The following ADGRF5 variants were observed in gnomAD, a reference collection of about 807,000 sequenced individuals.
ADGRF5 encodes the protein G-protein coupled receptor 116.
A neutral mutation model predicts 132.3 loss-of-function variants in ADGRF5; 75 were observed. The ratio of observed to expected loss-of-function variants is 0.57; its 90% CI spans 0.47 to 0.69. The LOEUF is 0.69. ADGRF5 is among the 30% of genes least tolerant of loss of function. The probability of loss-of-function intolerance (pLI) is 0.00; values close to 1 mark genes in which losing one functional copy is unlikely to be tolerated. For synonymous variants in ADGRF5, 629 were observed against 597.6 expected (o/e 1.05, Z -0.77); for missense variants, 1,516 against 1,630.6 (o/e 0.93, Z 1.21).
intron 11 of ADGRF5, among the ~76,000 whole-genome samples, chr6:46,871,449 T>C (rs1005517493): frequency 3.9e-5 from 6 of 152,050 alleles, no homozygotes; most frequent in Admixed American, 3.9e-4. Flanking sequence ...GCCAGGCTGT[T>C]GGAATTCAAG....
chr6:46,925,580 A>T (rs1244274989), upstream of ADGRF5, among the ~76,000 whole-genome samples: 2 of 152,196 alleles, frequency 1.3e-5, no homozygotes, highest in African/African-American at 4.8e-5. Context: ...ACATGGCGAA[A>T]CCCTGTCTCT....
chr6:46,938,355 C>T (rs1264947732), intron 1 of ADGRF5, among the ~76,000 whole-genome samples: 2 of 152,172 alleles, frequency 1.3e-5, no homozygotes, highest in Non-Finnish European at 2.9e-5. Flanking sequence ...CCTTGATAAA[C>T]ACCTTTGACT....
At chr6:46,904,556 T>A (rs1775120363) in intron 2 of ADGRF5, among the ~76,000 whole-genome samples, 2 of 151,984 alleles carry the variant, frequency 1.3e-5, no homozygotes, top group South Asian at 4.1e-4. Context: ...GAGAAGGAAA[T>A]GAGGAGTTAT....
At chr6:46,921,663 C>G (rs968430233) in intron 1 of ADGRF5, 50 bp downstream of exon 1, 1 of 152,220 alleles carries the variant, frequency 6.6e-6, no homozygotes, top group African/African-American at 2.4e-5. Context: ...TGAGGTCTTG[C>G]TACAAAGGGA....
chr6:46,853,878 A>G lies in ADGRF5; in HGVS notation c.*114T>C, dbSNP rs773076799. The stretch of plus-strand genomic sequence containing the variant: ...TTCTCTATGAAAAAGTCTTTTTGGC[A>G]TCTGCTCCCGGAAACCTGCCCCGAG... On this transcript the variant is annotated 3_prime_UTR_variant, in exon 21 of 21. Coordinates refer to ENST00000283296, the MANE Select transcript of ADGRF5 (RefSeq NM_001098518.2). 3.6e-5 allele frequency: 25 copies of G among 690,138 alleles called. No homozygotes were observed. Among genetic ancestry groups the G allele is most frequent in the Non-Finnish European group, 6.1e-5 (24 of 394,402 alleles). The allele number at this position is 690,138 out of a possible 1,614,324, so 42.8% of individuals were successfully genotyped here. A position where few individuals can be genotyped will look rare whatever the true frequency, so the allele number is the denominator to read the frequency against.
chr6:46,865,970 T>C (rs1006120445), intron 13 of ADGRF5, among the ~76,000 whole-genome samples: 17 of 147,734 alleles, frequency 1.2e-4, no homozygotes, highest in Non-Finnish European at 2.5e-4. Context: ...ATGAATGAGC[T>C]TGTAAATCCC....
At position 46,867,023 on chromosome 6, in the gene ADGRF5, G is replaced by A; in HGVS notation, c.1736C>T (p.Thr579Ile). The change falls in exon 13 of 21, where the codon ACT (threonine) becomes ATT (isoleucine). Residue 579 changes from threonine to isoleucine, a missense_variant. By Grantham distance (89) the Thr-to-Ile change is moderately conservative. Around this residue, in one of 2 missense-constraint regions of ADGRF5, gnomAD observed 945 missense variants for 929.4 expected, o/e 1.02. Transcript: ENST00000283296. The part of the protein sequence containing the change: ...LNIMVDPLEA[T>I]VSCSGSHHIK... ...GTGATGGGAACCACTGCATGAAACA[G>A]TAGCTTCCAAAGGATCAACCATGAT... 6.2e-7 allele frequency: 1 copy of A among 1,613,754 alleles called. No homozygotes were observed.
intron 16 of ADGRF5, among the ~76,000 whole-genome samples, chr6:46,859,817 C>CTATTTTATTTTATTT (rs55664341): frequency 0.039 from 5,743 of 146,104 alleles, 191 homozygotes; most frequent in Admixed American, 0.082. Context: ...GGGATATTTA[C>CTATTTTATTTTATTT]TATTTTATTT....
At chr6:46,892,270 T>C (rs915384069) in intron 3 of ADGRF5, among the ~76,000 whole-genome samples, 1 of 151,874 alleles carries the variant, frequency 6.6e-6, no homozygotes, top group Non-Finnish European at 1.5e-5. Flanking sequence ...TGGGACCACT[T>C]TGTAAACTTT....
intron 1 of ADGRF5, among the ~76,000 whole-genome samples, chr6:46,914,812 C>T (rs182646150): frequency 6.6e-6 from 1 of 151,694 alleles, no homozygotes; most frequent in Non-Finnish European, 1.5e-5. Context: ...GGAGGGAAGC[C>T]CTGTGGAATG....
intron 3 of ADGRF5, among the ~76,000 whole-genome samples, chr6:46,891,293 G>C (rs1349673295): frequency 2.0e-5 from 3 of 152,222 alleles, no homozygotes; most frequent in African/African-American, 7.2e-5. Context: ...CTTCCTGGAA[G>C]AATGGTTAAT....
chr6:46,869,986 T>A (rs1485953689), intron 11 of ADGRF5, among the ~76,000 whole-genome samples: 2 of 151,994 alleles, frequency 1.3e-5, no homozygotes, highest in Non-Finnish European at 1.5e-5. Context: ...AAAGCTTATA[T>A]GAGCTTCCCA....
intron 1 of ADGRF5, among the ~76,000 whole-genome samples, chr6:46,954,127 C>T (rs1222436520): frequency 6.6e-6 from 1 of 152,004 alleles, no homozygotes; most frequent in East Asian, 1.9e-4. Flanking sequence ...CGAGACATCC[C>T]TGGATATTCG....
rs375753155 is a variant in ADGRF5, at chr6:46,860,818, G to A, written c.2276C>T (p.Ala759Val). 18 of 1,613,172 alleles carry A rather than the reference G, an allele frequency of 1.1e-5. No homozygotes were observed. Among genetic ancestry groups the A allele is most frequent in the East Asian group, 8.9e-5 (4 of 44,886 alleles). The change falls in exon 16 of 21, where the codon GCG becomes GTG. Residue 759 changes from alanine to valine, a missense_variant. Transcript: ENST00000283296. ...LKDLSISIDKAEHEISSSPGS... is the reference protein window; with the variant it reads ...LKDLSISIDKVEHEISSSPGS... ...AGGAGAAGAGCTGATTTCATGTTCC[G>A]CTTTGTCTATGCTAATAGAAAGATC... is the stretch of plus-strand genomic sequence containing the variant.
At chr6:46,864,739 T>C (rs1770205834) in intron 14 of ADGRF5, among the ~76,000 whole-genome samples, 1 of 152,144 alleles carries the variant, frequency 6.6e-6, no homozygotes, top group African/African-American at 2.4e-5. Flanking sequence ...TTAGCCAGGA[T>C]GGTCTTGATC....
At chr6:46,904,231 TA>T (rs1775077004) in intron 2 of ADGRF5, among the ~76,000 whole-genome samples, 3 of 152,334 alleles carry the variant, frequency 2.0e-5, no homozygotes, top group African/African-American at 7.2e-5. Context: ...AAAAGCCCTT[TA>T]CCCCACATGT....
At chr6:46,953,891 T>C (rs974648798) in intron 1 of ADGRF5, among the ~76,000 whole-genome samples, 23 of 152,042 alleles carry the variant, frequency 1.5e-4, no homozygotes, top group African/African-American at 4.8e-4. Flanking sequence ...ATGAAGTCTG[T>C]ATAAATTATT....
intron 1 of ADGRF5, among the ~76,000 whole-genome samples, chr6:46,949,602 T>G (rs997035127): frequency 3.3e-5 from 5 of 152,210 alleles, no homozygotes; most frequent in African/African-American, 9.7e-5. Context: ...CCTTGCAACT[T>G]AGAAGATGGT....
At chr6:46,933,780 C>A (rs1337774816) in intron 1 of ADGRF5, among the ~76,000 whole-genome samples, 2 of 152,192 alleles carry the variant, frequency 1.3e-5, no homozygotes, top group African/African-American at 4.8e-5. Flanking sequence ...AAGTTCAAGA[C>A]CTTTCATAAC....
Sources: gnomAD v4.1 joint callset for allele counts (sites outside exome capture counted in the v4.1 genomes callset) on GRCh38, gnomAD v4.1.1 for gene constraint, gnomAD v4.1.1 regional missense constraint, MANE v1.5 for transcripts, NCBI Gene and HGNC (gene_info 2026-07-23, HGNC 2026-07-21) for gene names.